XKR9: variants seen among roughly 807,000 people sequenced by gnomAD.
XKR9 encodes the protein XK related 9, also known as XK-related protein 9.
In XKR9, 32 loss-of-function variants were observed where a neutral mutation model predicts 32.0. That is an observed-to-expected ratio of 1.00 (90% CI 0.76 to 1.34). The LOEUF is 1.34. XKR9 is among the 40% of genes most tolerant of loss of function. The pLI is 0.00. For missense variants in XKR9, 546 were observed against 429.7 expected (o/e 1.27, Z -2.39); for synonymous variants, 168 against 143.4 (o/e 1.17, Z -1.22).
In XKR9 at chr8:70,733,995, T is replaced by C. The variant is rs1806765506; in HGVS notation, c.693T>C (p.Ala231=). Residue 231 remains alanine, a synonymous_variant, in exon 5 of 5, where the codon GCT becomes GCC. Coordinates refer to ENST00000408926, the MANE Select transcript of XKR9 (RefSeq NM_001011720.2). ...VLLLFLNVKI[A]LFLLLFLWLL... is the part of the protein sequence containing the mutation. Reference sequence around the variant, plus strand: ...TACTATTCTTAAATGTTAAGATTGCTTTATTTCTGTTGTTATTTCTTTGGT... The same window carrying C: ...TACTATTCTTAAATGTTAAGATTGCCTTATTTCTGTTGTTATTTCTTTGGT... 1 of 1,612,430 alleles carries C rather than the reference T, an allele frequency of 6.2e-7. No homozygotes were observed. Among genetic ancestry groups the C allele is most frequent in the Non-Finnish European group, 8.5e-7 (1 of 1,179,584 alleles).
the XKR9 span, among the ~76,000 whole-genome samples, chr8:71,024,681 G>C: frequency 2.6e-5 from 4 of 152,248 alleles, no homozygotes; most frequent in African/African-American, 9.6e-5. Context: ...AGAGTCCATG[G>C]TAAGAATGTG....
At position 70,780,998 on chromosome 8, in the gene XKR9, T is replaced by C. The variant is rs553871707; in HGVS notation, n.353-8341T>C. 2.7e-4 allele frequency: 41 copies of C among 152,180 alleles called. 1 individual carries two copies. Among genetic ancestry groups the C allele is most frequent in the African/African-American group, 9.1e-4 (38 of 41,558 alleles). The allele number at this position is 152,180 out of a possible 1,614,324, so 9.4% of individuals were successfully genotyped here. A position where few individuals can be genotyped will look rare whatever the true frequency, so the allele number is the denominator to read the frequency against. ...AATAAGTTCTGATAACCCACCATCA[T>C]CAGGCCAGTGATTCTCTTCCTCACT... is the stretch of plus-strand genomic sequence containing the variant. On this transcript the variant is annotated intron_variant and non_coding_transcript_variant, in intron 2 of 3. Transcript: ENST00000520273.
At chr8:70,743,978 G>A (rs1807022961) in intron 2 of XKR9, among the ~76,000 whole-genome samples, 1 of 152,000 alleles carries the variant, frequency 6.6e-6, no homozygotes, top group Admixed American at 6.6e-5. Flanking sequence ...GAGACGATTT[G>A]TGCAGTAAGA....
intron 2 of XKR9, among the ~76,000 whole-genome samples, chr8:70,741,927 C>T (rs1806991613): frequency 6.6e-6 from 1 of 151,016 alleles, no homozygotes; most frequent in Non-Finnish European, 1.5e-5. Context: ...ATAAATGCCC[C>T]AGTTTCTCTA....
the XKR9 span, among the ~76,000 whole-genome samples, chr8:70,839,771 A>T: frequency 3.1e-3 from 466 of 152,308 alleles, 3 homozygotes; most frequent in African/African-American, 0.011. Context: ...GGTATGGCAC[A>T]GTGGCCAGAT....
chr8:70,783,012 G>T (rs117249734), intron 2 of XKR9, among the ~76,000 whole-genome samples: 276 of 152,182 alleles, frequency 1.8e-3, no homozygotes, highest in Non-Finnish European at 3.4e-3. Flanking sequence ...TTCCTTAATA[G>T]CTGTCCTAAT....
intron 2 of XKR9, among the ~76,000 whole-genome samples, chr8:70,781,491 A>G (rs534076236): frequency 1.7e-4 from 26 of 151,894 alleles, no homozygotes; most frequent in Non-Finnish European, 3.4e-4. Context: ...AAATCACGGT[A>G]ATCAGCATAT....
chr8:70,692,533 C>T lies in XKR9; in HGVS notation c.272+11203C>T, dbSNP rs191517499. On this transcript the variant is annotated intron_variant, in intron 3 of 4. Transcript: ENST00000408926. ...GGAATGCTTCCAGCTTTTGCCCATTCGGTATGATGTTGGCTGTGCATTTGT... is the reference window on the plus strand; with the variant it reads ...GGAATGCTTCCAGCTTTTGCCCATTTGGTATGATGTTGGCTGTGCATTTGT... Among the ~76,000 whole-genome samples the T allele has an allele frequency of 1.8e-4, 27 of 152,092 alleles. No homozygotes were observed. In the East Asian group the frequency reaches 3.3e-3, roughly 19 times the overall value.
At chr8:71,024,234 C>T in the XKR9 span, among the ~76,000 whole-genome samples, 1 of 152,144 alleles carries the variant, frequency 6.6e-6, no homozygotes, top group African/African-American at 2.4e-5. Context: ...GGCAGGGTTT[C>T]TGTCAGTGAC....
the XKR9 span, among the ~76,000 whole-genome samples, chr8:70,969,055 T>G: frequency 6.6e-6 from 1 of 152,196 alleles, no homozygotes; most frequent in African/African-American, 2.4e-5. Context: ...TACAATTTCA[T>G]AATGCTGCTT....
At chr8:70,751,959 C>A (rs1241666578) in intron 2 of XKR9, among the ~76,000 whole-genome samples, 1 of 152,226 alleles carries the variant, frequency 6.6e-6, no homozygotes, top group African/African-American at 2.4e-5. Context: ...TCATGTATCT[C>A]TCTTTATATC....
the XKR9 span, among the ~76,000 whole-genome samples, chr8:70,880,180 A>G: frequency 6.6e-6 from 1 of 152,192 alleles, no homozygotes; most frequent in Non-Finnish European, 1.5e-5. Flanking sequence ...CTGAATGGGC[A>G]AAAACTGGAA....
the XKR9 span, among the ~76,000 whole-genome samples, chr8:71,008,695 T>C: frequency 6.6e-6 from 1 of 152,172 alleles, no homozygotes; most frequent in African/African-American, 2.4e-5. Context: ...GGTGCAATCT[T>C]GGCTCACTGC....
chr8:70,739,941 G>A (rs1806940801), downstream of XKR9, among the ~76,000 whole-genome samples: 1 of 152,078 alleles, frequency 6.6e-6, no homozygotes, highest in African/African-American at 2.4e-5. Context: ...TGACAATTAT[G>A]TGTCTTGGAG....
intron 4 of XKR9, among the ~76,000 whole-genome samples, chr8:70,711,617 GC>G (rs1363024494): frequency 4.6e-5 from 7 of 151,680 alleles, no homozygotes; most frequent in Non-Finnish European, 1.0e-4. Flanking sequence ...AGACATCAGG[GC>G]TTACTTGAGG....
chr8:70,949,159 A>G, the XKR9 span, among the ~76,000 whole-genome samples: 9,068 of 152,294 alleles, frequency 0.06, 382 homozygotes, highest in Non-Finnish European at 0.084. Flanking sequence ...AGGACATTTT[A>G]TACATTTTCA....
At chr8:70,832,825 C>T in the XKR9 span, among the ~76,000 whole-genome samples, 1 of 152,172 alleles carries the variant, frequency 6.6e-6, no homozygotes, top group Non-Finnish European at 1.5e-5. Flanking sequence ...CATGATTTGT[C>T]AATATTTACT....
chr8:71,041,568 C>G, the XKR9 span, among the ~76,000 whole-genome samples: 1 of 151,990 alleles, frequency 6.6e-6, no homozygotes, highest in Non-Finnish European at 1.5e-5. Context: ...GCTCTGTGTC[C>G]CCACCCAAAT....
chr8:70,782,649 T>G (rs887983937), intron 2 of XKR9, among the ~76,000 whole-genome samples: 11 of 152,110 alleles, frequency 7.2e-5, no homozygotes, highest in Non-Finnish European at 4.4e-5. Flanking sequence ...GTTTTAGATT[T>G]CACATATAAA....
Sources: allele counts gnomAD v4.1 joint callset (sites outside exome capture counted in the v4.1 genomes callset), GRCh38; gene constraint gnomAD v4.1.1; transcripts MANE v1.5; gene names NCBI Gene and HGNC (gene_info 2026-07-23, HGNC 2026-07-21).